The following GABRA1 variants were observed in gnomAD, a reference collection of about 807,000 sequenced individuals.
GABRA1 encodes gamma-aminobutyric acid receptor subunit alpha-1.
GABRA1 carries 9 observed loss-of-function variants against 48.9 expected under a neutral mutation model. The ratio of observed to expected loss-of-function variants is 0.18; its 90% CI spans 0.11 to 0.32. The LOEUF is 0.32. Ranked by LOEUF, GABRA1 falls within the 10% of genes least tolerant of loss-of-function variation. The pLI, the probability that GABRA1 is intolerant of heterozygous loss-of-function variation, is 1.00. For missense variants in GABRA1, 285 were observed against 553.8 expected (o/e 0.51, Z 4.87); for synonymous variants, 210 against 198.7 (o/e 1.06, Z -0.48).
intron 2 of GABRA1, among the ~76,000 whole-genome samples, chr5:161,853,106 A>G (rs991256912): frequency 3.3e-5 from 5 of 151,878 alleles, no homozygotes; most frequent in Non-Finnish European, 5.9e-5. Flanking sequence ...GAAATATATC[A>G]GTAAATGTGA....
At position 161,899,691 on chromosome 5, in the gene GABRA1, T is replaced by G. The variant is rs1237586500; in HGVS notation, c.*2269T>G. ...TTTTCTACAGTGCTTTGCTAAACCA[T>G]GTAGTACTAGTTAAGTCTTCCTTGA... On this transcript the variant is annotated 3_prime_UTR_variant, in exon 10 of 10. Transcript: ENST00000393943. 1 of 152,206 alleles carries G rather than the reference T, an allele frequency of 6.6e-6. No individual in the cohort carries two copies. The allele number at this position is 152,206 out of a possible 1,614,324, so 9.4% of individuals were successfully genotyped here.
chr5:161,851,687 T>A (rs939331962), intron 2 of GABRA1, among the ~76,000 whole-genome samples: 4 of 151,666 alleles, frequency 2.6e-5, no homozygotes, highest in Admixed American at 2.0e-4. Context: ...CTCTTAAGAG[T>A]TAAGATAGGG....
At chr5:161,858,256 G>C (rs1275127589) in intron 3 of GABRA1, among the ~76,000 whole-genome samples, 6 of 151,540 alleles carry the variant, frequency 4.0e-5, no homozygotes, top group Admixed American at 2.6e-4. Flanking sequence ...AGGAAGCCTG[G>C]ATGTTCTCCA....
chr5:161,853,444 A>G (rs1757528162), intron 2 of GABRA1, among the ~76,000 whole-genome samples: 1 of 151,908 alleles, frequency 6.6e-6, no homozygotes, highest in Admixed American at 6.6e-5. Context: ...ACAAAACACT[A>G]AAACTGTGCT....
At chr5:161,894,627 C>T (rs1027449406) in intron 8 of GABRA1, among the ~76,000 whole-genome samples, 1 of 152,138 alleles carries the variant, frequency 6.6e-6, no homozygotes, top group Non-Finnish European at 1.5e-5. Context: ...AATATGTAGC[C>T]TGATCCACCC....
rs1489577448 is a variant in GABRA1, at chr5:161,873,104, C to T, written c.256-13C>T. On this transcript the variant is annotated splice_polypyrimidine_tract_variant and intron_variant, in intron 4 of 9. Transcript: ENST00000393943. ...GCACAGTGAACTCTTCGTCATTTTC[C>T]AAAATTACCTAGGAATATACAATAG... 6.3e-7 allele frequency: 1 copy of T among 1,588,472 alleles called. No homozygotes were observed.
chr5:161,852,295 G>C (rs963084952), intron 2 of GABRA1, among the ~76,000 whole-genome samples: 1 of 152,042 alleles, frequency 6.6e-6, no homozygotes, highest in Non-Finnish European at 1.5e-5. Flanking sequence ...TAAAAACTTA[G>C]AGGGTGTAGA....
chr5:161,872,600 C>T (rs765849358), intron 4 of GABRA1, among the ~76,000 whole-genome samples: 4 of 151,926 alleles, frequency 2.6e-5, no homozygotes, highest in South Asian at 4.2e-4. Context: ...ATGTTTATTT[C>T]GCCAAAAAAA....
At position 161,897,717 on chromosome 5, in the gene GABRA1, G is replaced by GAA; in HGVS notation, c.*303_*304dup. On this transcript the variant is annotated 3_prime_UTR_variant, in exon 10 of 10. Coordinates refer to ENST00000393943, the MANE Select transcript of GABRA1 (RefSeq NM_001127644.2). ...TGGTTCAAAGATACAAGAAAAAGTAGAAAAAAAAATAACACTTAACTAAAA... is the reference window on the plus strand; with the variant it reads ...TGGTTCAAAGATACAAGAAAAAGTAGAAAAAAAAAAATAACACTTAACTAAAA... The GAA allele has an allele frequency of 1.0e-5, 3 of 299,990 alleles. No individual in the cohort carries two copies. The highest frequency in any genetic ancestry group is 1.2e-5 in the Non-Finnish European group (2 of 163,372). 18.6% of individuals were successfully genotyped at this position (299,990 alleles called of 1,614,324 possible). A position where few individuals can be genotyped will look rare whatever the true frequency, so the allele number is the denominator to read the frequency against.
intron 3 of GABRA1, among the ~76,000 whole-genome samples, chr5:161,859,114 G>T (rs986315489): frequency 6.6e-6 from 1 of 151,496 alleles, no homozygotes; most frequent in Admixed American, 6.6e-5. Flanking sequence ...TGGTTTTGGG[G>T]GTTTTGTTTT....
At chr5:161,849,159 A>G (rs1030253134) in intron 1 of GABRA1, 3 of 278,240 alleles carry the variant, frequency 1.1e-5, no homozygotes, top group South Asian at 8.6e-5. Flanking sequence ...TAACAACTGA[A>G]GTGCCATGAT....
In GABRA1 at chr5:161,890,878, T is replaced by C; in HGVS notation, c.704-20T>C. ...TCTAAAGTCAAATTGCTCATCTTTC[T>C]TGTGTGTTTTACTTCTCAGGAGAAT... On this transcript the variant is annotated intron_variant, in intron 7 of 9. Transcript: ENST00000393943. The C allele has an allele frequency of 6.2e-7, 1 of 1,611,660 alleles. No individual in the cohort carries two copies. The highest frequency in any genetic ancestry group is 8.5e-7 in the Non-Finnish European group (1 of 1,177,984).
chr5:161,859,826 G>A lies in GABRA1; in HGVS notation c.187+5556G>A, dbSNP rs548573838. 4.0e-5 allele frequency among the ~76,000 whole-genome samples: 6 copies of A among 151,846 alleles called. No individual in the cohort carries two copies. In the East Asian group the frequency reaches 9.7e-4, roughly 25 times the overall value. On this transcript the variant is annotated intron_variant, in intron 3 of 9. Coordinates refer to ENST00000393943, the MANE Select transcript of GABRA1 (RefSeq NM_001127644.2). ...AGATAAAATAATCTACATTACTGAC[G>A]ATTTCCAAATAAAATTAAAAGATGG...
At chr5:161,885,243 C>A (rs1248821092) in intron 7 of GABRA1, among the ~76,000 whole-genome samples, 1 of 152,134 alleles carries the variant, frequency 6.6e-6, no homozygotes, top group Non-Finnish European at 1.5e-5. Flanking sequence ...CACCAAGAGT[C>A]CACCTTGATA....
At chr5:161,853,770 G>T in intron 2 of GABRA1, 1 of 159,748 alleles carries the variant, frequency 6.3e-6, no homozygotes, top group Non-Finnish European at 1.4e-5. Context: ...AAATAAAAAA[G>T]AAAATCAGTT....
Position 161,897,598 on chromosome 5 carries a change from A to G in GABRA1, c.*176A>G. ...TGTCTGGCAGTCTGGAGCAAAGCAG[A>G]CTATGCAGCTTGGAGACAGGATTCT... On this transcript the variant is annotated 3_prime_UTR_variant, in exon 10 of 10. Transcript: ENST00000393943. 2 of 647,112 alleles carry G rather than the reference A, an allele frequency of 3.1e-6. No individual in the cohort carries two copies. The highest frequency in any genetic ancestry group is 5.3e-6 in the Non-Finnish European group (2 of 378,800). 40.1% of individuals were successfully genotyped at this position (647,112 alleles called of 1,614,324 possible).
intron 3 of GABRA1, among the ~76,000 whole-genome samples, chr5:161,863,769 C>G (rs561729280): frequency 6.6e-6 from 1 of 151,200 alleles, no homozygotes; most frequent in Non-Finnish European, 1.5e-5. Flanking sequence ...TTTCTAACAA[C>G]ATAATGTATT....
intron 2 of GABRA1, among the ~76,000 whole-genome samples, chr5:161,851,264 G>A (rs1199505017): frequency 6.6e-6 from 1 of 152,098 alleles, no homozygotes; most frequent in African/African-American, 2.4e-5. Context: ...CTATTGTAAA[G>A]ATCATAGAGT....
Position 161,890,890 on chromosome 5 carries a change from C to T in GABRA1, c.704-8C>T, listed in dbSNP as rs771068522. ...TTGCTCATCTTTCTTGTGTGTTTTA[C>T]TTCTCAGGAGAATATGTTGTTATGA... On this transcript the variant is annotated splice_region_variant and splice_polypyrimidine_tract_variant and intron_variant, in intron 7 of 9. Transcript: ENST00000393943. 1 of 1,612,920 alleles carries T rather than the reference C, an allele frequency of 6.2e-7. No individual in the cohort carries two copies. Among genetic ancestry groups the T allele is most frequent in the Admixed American group, 1.7e-5 (1 of 60,002 alleles).
Sources: gnomAD v4.1 joint callset for allele counts (sites outside exome capture counted in the v4.1 genomes callset) on GRCh38, gnomAD v4.1.1 for gene constraint, MANE v1.5 for transcripts, NCBI Gene and HGNC (gene_info 2026-07-23, HGNC 2026-07-21) for gene names.